C1QTNF7: variants seen among roughly 807,000 people sequenced by gnomAD.
C1QTNF7 encodes the protein complement C1q tumor necrosis factor-related protein 7.
Under a neutral mutation model 19.6 loss-of-function variants are expected in C1QTNF7, and 15 were observed. The ratio of observed to expected loss-of-function variants is 0.76; its 90% CI spans 0.51 to 1.18. C1QTNF7 has a LOEUF of 1.18. Ranked by LOEUF, C1QTNF7 falls within the 50% of genes most tolerant of loss-of-function variation. C1QTNF7 has a pLI of 0.00. For missense variants in C1QTNF7, 324 were observed against 359.7 expected, an observed-to-expected ratio of 0.90 and a Z score of 0.80; for synonymous variants, 142 against 137.5, an observed-to-expected ratio of 1.03 and a Z score of -0.23.
chr4:15,356,128 T>A (rs1233370835), intron 1 of C1QTNF7, among the ~76,000 whole-genome samples: 1 of 152,118 alleles, frequency 6.6e-6, no homozygotes, highest in East Asian at 1.9e-4. Context: ...TATTTTAAGT[T>A]CTAGGATACA....
At chr4:15,353,197 T>C (rs1338899794) in intron 1 of C1QTNF7, among the ~76,000 whole-genome samples, 3 of 152,104 alleles carry the variant, frequency 2.0e-5, no homozygotes, top group Non-Finnish European at 4.4e-5. Flanking sequence ...GCTGGTGCAA[T>C]CCCCACTTTA....
upstream of C1QTNF7, among the ~76,000 whole-genome samples, chr4:15,424,812 T>A (rs1006908024): frequency 1.8e-4 from 27 of 152,356 alleles, no homozygotes; most frequent in African/African-American, 6.5e-4. Context: ...TAACAAGTTC[T>A]AAGTCGATGT....
At chr4:15,386,354 C>T (rs561435296) in intron 1 of C1QTNF7, among the ~76,000 whole-genome samples, 1 of 152,318 alleles carries the variant, frequency 6.6e-6, no homozygotes, top group Non-Finnish European at 1.5e-5. Flanking sequence ...ACATTTATGG[C>T]TTTTATTTCA....
chr4:15,357,498 T>C (rs1207754294), intron 1 of C1QTNF7, among the ~76,000 whole-genome samples: 4 of 152,224 alleles, frequency 2.6e-5, no homozygotes, highest in Admixed American at 1.3e-4. Flanking sequence ...CCTTGTAGTA[T>C]AGTTTGAAGT....
chr4:15,432,724 G>A (rs536786314), intron 1 of C1QTNF7, among the ~76,000 whole-genome samples: 31 of 152,244 alleles, frequency 2.0e-4, no homozygotes, highest in African/African-American at 6.5e-4. Flanking sequence ...GGATTTTTAC[G>A]GAATAATCAC....
chr4:15,354,932 C>T (rs972691130), intron 1 of C1QTNF7, among the ~76,000 whole-genome samples: 10 of 152,126 alleles, frequency 6.6e-5, no homozygotes, highest in Admixed American at 6.5e-4. Context: ...TGCTCACATT[C>T]GCATGTGTTT....
intron 2 of C1QTNF7, 120 bp downstream of exon 2, chr4:15,436,101 A>G (rs1473906298): frequency 7.2e-6 from 10 of 1,382,654 alleles, no homozygotes; most frequent in Non-Finnish European, 9.7e-6. Context: ...ACTTTCATTA[A>G]TCGTAACTTA....
intron 1 of C1QTNF7, among the ~76,000 whole-genome samples, chr4:15,409,614 T>C (rs1719331255): frequency 6.6e-6 from 1 of 152,172 alleles, no homozygotes; most frequent in South Asian, 2.1e-4. Context: ...AACAGAGCAT[T>C]GTGCAGAATC....
intron 1 of C1QTNF7, among the ~76,000 whole-genome samples, chr4:15,396,674 G>A (rs1718796521): frequency 6.6e-6 from 1 of 152,132 alleles, no homozygotes; most frequent in Non-Finnish European, 1.5e-5. Flanking sequence ...GTGGGCAACT[G>A]ATGCTCAGTC....
At chr4:15,371,950 C>G (rs1369061492) in intron 1 of C1QTNF7, among the ~76,000 whole-genome samples, 2 of 152,108 alleles carry the variant, frequency 1.3e-5, no homozygotes, top group East Asian at 3.9e-4. Flanking sequence ...GAAAGGGTCA[C>G]AGCTCAGAAT....
chr4:15,423,250 C>T (rs552896920), upstream of C1QTNF7, among the ~76,000 whole-genome samples: 14 of 152,256 alleles, frequency 9.2e-5, no homozygotes, highest in Non-Finnish European at 1.3e-4. Flanking sequence ...CCTCTGAGAT[C>T]CCTTCTTCTC....
intron 1 of C1QTNF7, among the ~76,000 whole-genome samples, chr4:15,400,140 C>A (rs528285184): frequency 1.4e-4 from 21 of 152,232 alleles, no homozygotes; most frequent in African/African-American, 4.6e-4. Flanking sequence ...TTGCTAGGCC[C>A]CACAGGAATT....
intron 1 of C1QTNF7, among the ~76,000 whole-genome samples, chr4:15,429,327 T>G (rs1216382741): frequency 6.6e-6 from 1 of 152,206 alleles, no homozygotes; most frequent in Non-Finnish European, 1.5e-5. Context: ...TCACCATCTC[T>G]CCAGGACTTC....
chr4:15,423,822 T>C (rs556937952), upstream of C1QTNF7, among the ~76,000 whole-genome samples: 2 of 152,066 alleles, frequency 1.3e-5, no homozygotes, highest in African/African-American at 4.8e-5. Flanking sequence ...GCCTACCGTT[T>C]CCCCCCCTTT....
chr4:15,397,220 T>C (rs573892308), intron 1 of C1QTNF7, among the ~76,000 whole-genome samples: 1 of 152,254 alleles, frequency 6.6e-6, no homozygotes, highest in East Asian at 1.9e-4. Flanking sequence ...GAGATTTGGG[T>C]GGGGACACAG....
intron 1 of C1QTNF7, among the ~76,000 whole-genome samples, chr4:15,379,152 AT>A (rs1193573067): frequency 3.3e-5 from 5 of 152,296 alleles, no homozygotes; most frequent in Non-Finnish European, 5.9e-5. Context: ...TGCAAAGCAC[AT>A]TTTTTTAATA....
At chr4:15,402,475 C>T (rs1402298899) in intron 1 of C1QTNF7, among the ~76,000 whole-genome samples, 4 of 151,946 alleles carry the variant, frequency 2.6e-5, no homozygotes, top group Admixed American at 1.3e-4. Flanking sequence ...TTTACAAAAC[C>T]GAATCAAGAC....
chr4:15,340,274 C>T (rs934534170), intron 1 of C1QTNF7: 6 of 1,516,148 alleles, frequency 4.0e-6, no homozygotes, highest in Non-Finnish European at 5.4e-6. Flanking sequence ...CAAAATATTT[C>T]CTGGGAGAAC....
upstream of C1QTNF7, among the ~76,000 whole-genome samples, chr4:15,425,320 T>C (rs1367987318): frequency 6.6e-6 from 1 of 152,166 alleles, no homozygotes; most frequent in African/African-American, 2.4e-5. Flanking sequence ...AATTACGTGC[T>C]AGAAGGGTTC....
Sources: allele counts gnomAD v4.1 joint callset (sites outside exome capture counted in the v4.1 genomes callset), GRCh38; gene constraint gnomAD v4.1.1; transcripts MANE v1.5; gene names NCBI Gene and HGNC (gene_info 2026-07-23, HGNC 2026-07-21).